PRAM1: variants seen among roughly 807,000 people sequenced by gnomAD.
PRAM1 encodes the protein PML-RARA-regulated adapter molecule 1.
PRAM1 carries 41 observed loss-of-function variants against 55.3 expected under a neutral mutation model. That is an observed-to-expected ratio of 0.74 (90% CI 0.58 to 0.96). The LOEUF is 0.96. PRAM1 is among the 40% of genes least tolerant of loss of function. The probability of loss-of-function intolerance (pLI) is 0.00; values close to 1 mark genes in which losing one functional copy is unlikely to be tolerated. For missense variants in PRAM1, 898 were observed against 892.7 expected (o/e 1.01, Z -0.08); for synonymous variants, 401 against 387.1 (o/e 1.04, Z -0.42).
At position 8,497,784 on chromosome 19, in the gene PRAM1, C is replaced by T; in HGVS notation, c.1556G>A (p.Ser519Asn). The change falls in exon 4 of 10, where the codon AGC (serine) becomes AAC (asparagine). Residue 519 changes from serine to asparagine, a missense_variant. By Grantham distance (46) the Ser-to-Asn change is conservative. Coordinates refer to ENST00000423345, the MANE Select transcript of PRAM1 (RefSeq NM_032152.5). ...YDDVEPRDDS[S>N]PSPKGRDEAP... ...CAAACCTCTGCCCTTGGGGCTGGGG[C>T]TGGAGTCATCTCTGGGTTCCACATC... is the stretch of plus-strand genomic sequence containing the variant. 1 of 1,611,432 alleles carries T rather than the reference C, an allele frequency of 6.2e-7. No homozygotes were observed. The highest frequency in any genetic ancestry group is 1.3e-5 in the African/African-American group (1 of 74,614).
Position 8,490,348 on chromosome 19 carries a change from G to T in PRAM1, c.1965C>A (p.Val655=). 6.2e-7 allele frequency: 1 copy of T among 1,613,974 alleles called. No homozygotes were observed. Among genetic ancestry groups the T allele is most frequent in the Non-Finnish European group, 8.5e-7 (1 of 1,179,892 alleles). The change falls in exon 9 of 10, where the codon GTC becomes GTA. Residue 655 remains valine (V), a synonymous_variant. Transcript: ENST00000423345. The surrounding 1 kb of genome is among the most constrained non-coding windows in gnomAD (Gnocchi z 7.3). ...LPLETEVYDD[V]DFCDPLENQP... ...AGAGTGTCCACGTACCGCAGAAGTC[G>T]ACATCATCGTACACCTCCGTCTCCC... is the stretch of plus-strand genomic sequence containing the variant.
intron 4 of PRAM1, 55 bp downstream of exon 4, chr19:8,497,709 G>A: frequency 2.7e-6 from 4 of 1,466,878 alleles, no homozygotes; most frequent in Non-Finnish European, 3.8e-6. Flanking sequence ...GAGCATGGCA[G>A]AAAATGGCCT....
rs1971587480 is a variant in PRAM1, at chr19:8,490,134, C to T, written c.*55G>A. On this transcript the variant is annotated 3_prime_UTR_variant, in exon 10 of 10. Transcript: ENST00000423345. This position sits in a 1 kb window ranked among gnomAD's most constrained non-coding sequence, Gnocchi z 7.3. ...CTTTCCCGCGCCGGGATCCAGGGCT[C>T]CTGGGTGAGCGGGCGCTGGGCTGGC... The T allele has an allele frequency of 1.3e-6, 2 of 1,482,402 alleles. No individual in the cohort carries two copies. The highest frequency in any genetic ancestry group is 1.8e-6 in the Non-Finnish European group (2 of 1,109,122). The allele number at this position is 1,482,402 out of a possible 1,614,324, so 91.8% of individuals were successfully genotyped here. A position where few individuals can be genotyped will look rare whatever the true frequency, so the allele number is the denominator to read the frequency against.
rs748660216 is a variant in PRAM1, at chr19:8,490,608, T to C, written c.1892A>G (p.Asp631Gly). The change falls in exon 7 of 10, where the codon GAC (aspartate) becomes GGC (glycine). Residue 631 changes from aspartate to glycine, a missense_variant. Asp to Gly is a moderately conservative substitution (Grantham distance 94). This residue lies in a region of PRAM1 where 787 missense variants were observed against 735.4 expected (regional missense o/e 1.07). Transcript: ENST00000423345. The surrounding 1 kb of genome is among the most constrained non-coding windows in gnomAD (Gnocchi z 7.3). ...GGCGCACTCACATTTGCCTTTGGGG[T>C]CCCGGCACAGCATCTCCTCATTGCT... is the stretch of plus-strand genomic sequence containing the variant. Reference protein sequence around the residue: ...FTSNEEMLCRDPKGKYGYVPR... With the variant: ...FTSNEEMLCRGPKGKYGYVPR... 2.5e-6 allele frequency: 4 copies of C among 1,584,764 alleles called. No homozygotes were observed. The highest frequency in any genetic ancestry group is 1.1e-5 in the South Asian group (1 of 87,724).
At chr19:8,495,919 T>C (rs1971693625) in intron 4 of PRAM1, 1 of 366,150 alleles carries the variant, frequency 2.7e-6, no homozygotes, top group African/African-American at 2.1e-5. Flanking sequence ...GGAAGCTGCT[T>C]GTGTTTTCAT....
At chr19:8,495,087 A>G (rs565796038) in intron 4 of PRAM1, among the ~76,000 whole-genome samples, 1 of 150,598 alleles carries the variant, frequency 6.6e-6, no homozygotes, top group East Asian at 2.0e-4. Flanking sequence ...TGACAGGTGC[A>G]TGCCACCATG....
Position 8,498,362 on chromosome 19 carries a change from C to T in PRAM1, c.1432+14G>A. 6.3e-7 allele frequency: 1 copy of T among 1,582,978 alleles called. No homozygotes were observed. The highest frequency in any genetic ancestry group is 1.8e-5 in the Admixed American group (1 of 54,984). On this transcript the variant is annotated intron_variant, in intron 2 of 9. Transcript: ENST00000423345. Reference sequence around the variant, plus strand: ...CAGCCCCCGCTCCTGCCGGTGCCGCCCGCCCTCACCCACCTATGGATGCTG... The same window carrying T: ...CAGCCCCCGCTCCTGCCGGTGCCGCTCGCCCTCACCCACCTATGGATGCTG...
In PRAM1 at chr19:8,499,789, C is replaced by A. The variant is rs142791911; in HGVS notation, c.28-9G>T. The stretch of plus-strand genomic sequence containing the variant: ...AAGTCCTGATGGCTCTCCTAGGAGA[C>A]GCAGAGCCAATGAGGCAGGGGCTCA... On this transcript the variant is annotated splice_polypyrimidine_tract_variant and intron_variant, in intron 1 of 9. Transcript: ENST00000423345. 3.2e-5 allele frequency: 50 copies of A among 1,581,304 alleles called. No individual in the cohort carries two copies. In the East Asian group the frequency reaches 1.1e-3, roughly 36 times the overall value.
In PRAM1 at chr19:8,502,551, C is replaced by T; in HGVS notation, c.27+14G>A. On this transcript the variant is annotated intron_variant, in intron 1 of 9. Coordinates refer to ENST00000423345, the MANE Select transcript of PRAM1 (RefSeq NM_032152.5). ...TTCCCAGCCAGTGAGGCACAGGCCT[C>T]TTCCAGCACTCACCATGGCTGCAGG... 1 of 1,548,292 alleles carries T rather than the reference C, an allele frequency of 6.5e-7. No individual in the cohort carries two copies. Among genetic ancestry groups the T allele is most frequent in the Non-Finnish European group, 8.7e-7 (1 of 1,147,420 alleles).
chr19:8,496,169 A>C, intron 4 of PRAM1: 1 of 453,704 alleles, frequency 2.2e-6, no homozygotes, highest in Non-Finnish European at 4.4e-6. Flanking sequence ...AAATCTCAGC[A>C]CTTTGGTAGG....
Position 8,490,182 on chromosome 19 carries a change from A to G in PRAM1, c.*7T>C, listed in dbSNP as rs1173546115. 1 of 1,569,694 alleles carries G rather than the reference A, an allele frequency of 6.4e-7. No individual in the cohort carries two copies. The highest frequency in any genetic ancestry group is 8.6e-7 in the Non-Finnish European group (1 of 1,156,566). On this transcript the variant is annotated 3_prime_UTR_variant, in exon 10 of 10. Coordinates refer to ENST00000423345, the MANE Select transcript of PRAM1 (RefSeq NM_032152.5). The surrounding 1 kb of genome is among the most constrained non-coding windows in gnomAD (Gnocchi z 7.3). ...GGCTGGCTGTCCTGGCCCCACGCCT[A>G]CCGGTCTTACCGTCCCAGGGGGAGT...
In PRAM1 at chr19:8,498,405, C is replaced by T. The variant is rs1971733000; in HGVS notation, c.1403G>A (p.Ser468Asn). The T allele has an allele frequency of 6.3e-7, 1 of 1,577,102 alleles. No individual in the cohort carries two copies. The highest frequency in any genetic ancestry group is 1.1e-5 in the South Asian group (1 of 87,218). ...PLPPGPVDMQ[S>N]FRRPSAASID... Reference sequence around the variant, plus strand: ...GGATGCTGCAGAGGGTCTCCGAAAGCTCTGCATATCCACGGGCCCCGGGGG... The same window carrying T: ...GGATGCTGCAGAGGGTCTCCGAAAGTTCTGCATATCCACGGGCCCCGGGGG... Residue 468 changes from serine to asparagine, a missense_variant, in exon 2 of 10, where the codon AGC becomes AAC. Ser to Asn is a conservative substitution (Grantham distance 46). Coordinates refer to ENST00000423345, the MANE Select transcript of PRAM1 (RefSeq NM_032152.5).
rs182326378 is a variant in PRAM1, at chr19:8,500,828, C to T, written c.28-1048G>A. ...TCACCCAGACTGGAGTGCAATGGCG[C>T]GATCTCGGCTCACTGCAATCTCCAC... On this transcript the variant is annotated intron_variant, in intron 1 of 9. Transcript: ENST00000423345. Among the ~76,000 whole-genome samples the T allele has an allele frequency of 4.6e-5, 7 of 152,184 alleles. No individual in the cohort carries two copies. In the East Asian group the frequency reaches 5.8e-4, roughly 13 times the overall value.
In PRAM1 at chr19:8,498,205, C is replaced by T; in HGVS notation, c.1499+18G>A. On this transcript the variant is annotated intron_variant, in intron 3 of 9. Coordinates refer to ENST00000423345, the MANE Select transcript of PRAM1 (RefSeq NM_032152.5). ...GCCCCACAATCCGCACCCACCTCCG[C>T]TTCCTCCCCACACTCACTGCGGGAT... is the stretch of plus-strand genomic sequence containing the variant. The T allele has an allele frequency of 1.2e-6, 2 of 1,609,526 alleles. No individual in the cohort carries two copies. The highest frequency in any genetic ancestry group is 8.5e-7 in the Non-Finnish European group (1 of 1,178,770).
intron 4 of PRAM1, chr19:8,496,069 T>C (rs1331048009): frequency 2.2e-6 from 1 of 456,110 alleles, no homozygotes; most frequent in Non-Finnish European, 4.4e-6. Flanking sequence ...CCCCTGAGTT[T>C]CAGGCCCAAG....
Position 8,498,923 on chromosome 19 carries a change from C to A in PRAM1, c.885G>T (p.Arg295Ser). The change falls in exon 2 of 10, where the codon AGG becomes AGT. Residue 295 changes from arginine (R) to serine (S), a missense_variant. Physicochemically the swap from Arg to Ser is moderately radical, Grantham distance 110. This residue lies in a region of PRAM1 where 787 missense variants were observed against 735.4 expected (regional missense o/e 1.07). Coordinates refer to ENST00000423345, the MANE Select transcript of PRAM1 (RefSeq NM_032152.5). ...PPQPELGDLT[R>S]TSSEPEVSVL... is the part of the protein sequence containing the mutation. ...CGCTGACTTCGGGCTCTGAGGAGGT[C>A]CTGGTGAGGTCCCCAAGCTCAGGCT... The A allele has an allele frequency of 6.2e-7, 1 of 1,613,564 alleles. No homozygotes were observed. The highest frequency in any genetic ancestry group is 8.5e-7 in the Non-Finnish European group (1 of 1,179,754).
intron 4 of PRAM1, 38 bp downstream of exon 4, chr19:8,497,726 G>A (rs536588774): frequency 3.1e-5 from 49 of 1,557,652 alleles, no homozygotes; most frequent in East Asian, 2.5e-4. Context: ...GCCTTGCCCC[G>A]AATGTTTTGC....
intron 4 of PRAM1, among the ~76,000 whole-genome samples, chr19:8,494,910 G>A (rs1342383416): frequency 6.7e-6 from 1 of 150,212 alleles, no homozygotes; most frequent in Non-Finnish European, 1.5e-5. Flanking sequence ...TGGGATTACA[G>A]GCGTGAGCCA....
In PRAM1 at chr19:8,498,576, C is replaced by G. The variant is rs1389856238; in HGVS notation, c.1232G>C (p.Gly411Ala). The G allele has an allele frequency of 1.9e-6, 3 of 1,612,466 alleles. No individual in the cohort carries two copies. The African/African-American group carries it at 4.0e-5, about 22-fold the overall frequency. Residue 411 changes from glycine to alanine, a missense_variant, in exon 2 of 10, where the codon GGA (glycine) becomes GCA (alanine). Transcript: ENST00000423345. ...SSRHPLSPGF[G>A]AAGTPRWRSG... ...CCTCCAGCGGGGTGTCCCAGCCGCT[C>G]CAAACCCAGGGCTGAGCGGGTGCCG...
Sources: gnomAD v4.1 joint callset for allele counts (sites outside exome capture counted in the v4.1 genomes callset) on GRCh38, gnomAD v4.1.1 for gene constraint, gnomAD v4.1.1 regional missense constraint, Gnocchi (gnomAD v3.1) non-coding constraint, MANE v1.5 for transcripts, NCBI Gene and HGNC (gene_info 2026-07-23, HGNC 2026-07-21) for gene names.